The following TAF1C variants were observed in gnomAD, a reference collection of about 807,000 sequenced individuals.
The protein encoded by TAF1C is TATA-box binding protein associated factor, RNA polymerase I subunit C.
TAF1C carries 79 observed loss-of-function variants against 70.5 expected under a neutral mutation model. The ratio of observed to expected loss-of-function variants is 1.12; its 90% CI spans 0.93 to 1.35. The LOEUF is 1.35. Among genes scored for constraint, TAF1C ranks in the 40% most tolerant of loss-of-function variants. The pLI, the probability that TAF1C is intolerant of heterozygous loss-of-function variation, is 0.00. For missense variants in TAF1C, 1,412 were observed against 1,127.8 expected (o/e 1.25, Z -3.61); for synonymous variants, 614 against 491.1 (o/e 1.25, Z -3.31).
At position 84,179,695 on chromosome 16, in the gene TAF1C, G is replaced by C. The variant is rs142910791; in HGVS notation, c.1778C>G (p.Pro593Arg). ...GGAAGCTGTGGGGGCATGGCAGTCAGGTTGGGTGTCGCCAGGAGGCCCAGC... is the reference window on the plus strand; with the variant it reads ...GGAAGCTGTGGGGGCATGGCAGTCACGTTGGGTGTCGCCAGGAGGCCCAGC... Reference protein sequence around the residue: ...RDAGPPGDTQPDCHAPTASWT... With the variant: ...RDAGPPGDTQRDCHAPTASWT... The change falls in exon 15 of 15, where the codon CCT (proline) becomes CGT (arginine). Residue 593 changes from proline to arginine, a missense_variant. By Grantham distance (103) the Pro-to-Arg change is moderately radical. Transcript: ENST00000566732. 79 of 1,612,472 alleles carry C rather than the reference G, an allele frequency of 4.9e-5. No individual in the cohort carries two copies. The highest frequency in any genetic ancestry group is 6.3e-5 in the Non-Finnish European group (74 of 1,179,940).
At chr16:84,186,474 A>C (rs1445515154) in intron 1 of TAF1C, among the ~76,000 whole-genome samples, 1 of 152,208 alleles carries the variant, frequency 6.6e-6, no homozygotes, top group Non-Finnish European at 1.5e-5. Context: ...AATCGCTTGA[A>C]TCTGGGAGGC....
rs557591244 is a variant in TAF1C at position 84,181,018 on chromosome 16, C to T, written c.1308+25G>A. Reference sequence around the variant, plus strand: ...CATCTGAGACAGAGCAGAGGTGGGGCGGGGCGGTGTTGTGTGCCACTCACC... The same window carrying T: ...CATCTGAGACAGAGCAGAGGTGGGGTGGGGCGGTGTTGTGTGCCACTCACC... On this transcript the variant is annotated intron_variant, in intron 12 of 14. Transcript: ENST00000566732. The T allele has an allele frequency of 8.8e-6, 14 of 1,582,832 alleles. No individual in the cohort carries two copies. The African/African-American group carries it at 9.4e-5, about 11-fold the overall frequency.
intron 12 of TAF1C, chr16:84,180,784 C>T (rs543859028): frequency 9.7e-6 from 13 of 1,346,310 alleles, no homozygotes; most frequent in Middle Eastern, 2.8e-4. Context: ...AGCCCCACCC[C>T]GAGGCCCCTC....
chr16:84,178,991 C>A lies in TAF1C; in HGVS notation c.2482G>T (p.Val828Phe). The A allele has an allele frequency of 6.2e-7, 1 of 1,610,714 alleles. No individual in the cohort carries two copies. Among genetic ancestry groups the A allele is most frequent in the Non-Finnish European group, 8.5e-7 (1 of 1,179,928 alleles). Reference sequence around the variant, plus strand: ...CGGAGGGGCTGAGAGCTAGAGAGGACGGGTGTGTGCTGCTGGGAGCGAGTG... The same window carrying A: ...CGGAGGGGCTGAGAGCTAGAGAGGAAGGGTGTGTGCTGCTGGGAGCGAGTG... Reference protein sequence around the residue: ...RATRSQQHTPVLSSSQPLRKK... With the variant: ...RATRSQQHTPFLSSSQPLRKK... Residue 828 changes from valine (V) to phenylalanine (F), a missense_variant, in exon 15 of 15, where the codon GTC (valine) becomes TTC (phenylalanine). Physicochemically the swap from Val to Phe is conservative, Grantham distance 50. Coordinates refer to ENST00000566732, the MANE Select transcript of TAF1C (RefSeq NM_001243156.2).
intron 11 of TAF1C, 52 bp downstream of exon 11, chr16:84,181,276 G>A (rs977095044): frequency 4.2e-5 from 67 of 1,606,388 alleles, no homozygotes; most frequent in Non-Finnish European, 5.0e-5. Context: ...GGGACTCACC[G>A]CTCTGCGGCC....
Position 84,181,445 on chromosome 16 carries a change from C to T in TAF1C, c.1047G>A (p.Arg349=). Residue 349 remains arginine, a synonymous_variant, in exon 11 of 15, where the codon AGG becomes AGA. Transcript: ENST00000566732. ...SPEDGLRQIY[R]DPETLVFRDS... The stretch of plus-strand genomic sequence containing the variant: ...CCCGGAACACGAGGGTCTCAGGGTC[C>T]CTGTAGATTTGCCGCAGCCTTGGGG... 6.2e-7 allele frequency: 1 copy of T among 1,613,790 alleles called. No homozygotes were observed. Among genetic ancestry groups the T allele is most frequent in the Non-Finnish European group, 8.5e-7 (1 of 1,179,992 alleles).
Position 84,181,385 on chromosome 16 carries a change from C to T in TAF1C, c.1107G>A (p.Ala369=), listed in dbSNP as rs747223407. 12 of 1,613,696 alleles carry T rather than the reference C, an allele frequency of 7.4e-6. No individual in the cohort carries two copies. The Admixed American group carries it at 1.2e-4, about 16-fold the overall frequency. ...SSSWRWADFT[A]HPRVLTVGDR... is the part of the protein sequence containing the mutation. Reference sequence around the variant, plus strand: ...CACCCACGGTCAGCACCCGAGGGTGCGCAGTGAAGTCTGCCCAACGCCACG... The same window carrying T: ...CACCCACGGTCAGCACCCGAGGGTGTGCAGTGAAGTCTGCCCAACGCCACG... Residue 369 remains alanine (A), a synonymous_variant, in exon 11 of 15, where the codon GCG becomes GCA. Transcript: ENST00000566732.
rs760297356 is a variant in TAF1C at position 84,178,816 on chromosome 16, TC to T, written c.*124del. The stretch of plus-strand genomic sequence containing the variant: ...ACTTGGCTCCAAATTGCTTGGCTCA[TC>T]ATCACAGTGGCCTCCAGAAGGTGGC... On this transcript the variant is annotated 3_prime_UTR_variant, in exon 15 of 15. Transcript: ENST00000566732. 1 of 1,088,548 alleles carries T rather than the reference TC, an allele frequency of 9.2e-7. No individual in the cohort carries two copies. The highest frequency in any genetic ancestry group is 1.3e-6 in the Non-Finnish European group (1 of 773,482). 67.4% of individuals were successfully genotyped at this position (1,088,548 alleles called of 1,614,324 possible). A position where few individuals can be genotyped will look rare whatever the true frequency, so the allele number is the denominator to read the frequency against.
chr16:84,178,278 A>G lies in TAF1C; in HGVS notation c.*663T>C. On this transcript the variant is annotated 3_prime_UTR_variant, in exon 15 of 15. Transcript: ENST00000566732. ...CCCACAGGTGCCAGACCCATGTCCCAAGGGAGAAGGAACATCAGCCATCAT... is the reference window on the plus strand; with the variant it reads ...CCCACAGGTGCCAGACCCATGTCCCGAGGGAGAAGGAACATCAGCCATCAT... 2.2e-6 allele frequency: 1 copy of G among 454,370 alleles called. No homozygotes were observed. Among genetic ancestry groups the G allele is most frequent in the Non-Finnish European group, 4.4e-6 (1 of 225,554 alleles). The allele number at this position is 454,370 out of a possible 1,614,324, so 28.1% of individuals were successfully genotyped here.
chr16:84,183,702 A>G lies in TAF1C; in HGVS notation c.215T>C (p.Leu72Pro), dbSNP rs754539325. The change falls in exon 3 of 15, where the codon CTC becomes CCC. Residue 72 changes from leucine to proline, a missense_variant. Physicochemically the swap from Leu to Pro is moderately conservative, Grantham distance 98. Transcript: ENST00000566732. Reference protein sequence around the residue: ...TPGPLPMLPPLIDPWDPGLTA... With the variant: ...TPGPLPMLPPPIDPWDPGLTA... ...CGGGGGAATGAGACCCTTACCGATGAGGGGAGGCAGCATGGGGAGAGGCCC... is the reference window on the plus strand; with the variant it reads ...CGGGGGAATGAGACCCTTACCGATGGGGGGAGGCAGCATGGGGAGAGGCCC... The G allele has an allele frequency of 2.5e-6, 4 of 1,611,426 alleles. No individual in the cohort carries two copies. Among genetic ancestry groups the G allele is most frequent in the Non-Finnish European group, 3.4e-6 (4 of 1,178,404 alleles).
intron 2 of TAF1C, among the ~76,000 whole-genome samples, chr16:84,184,151 C>T (rs917842660): frequency 6.6e-6 from 1 of 152,320 alleles, no homozygotes; most frequent in African/African-American, 2.4e-5. Flanking sequence ...GCCCGGCAGG[C>T]GGCTCCACCT....
chr16:84,186,108 A>C (rs546813038), intron 1 of TAF1C, among the ~76,000 whole-genome samples: 8 of 152,368 alleles, frequency 5.3e-5, no homozygotes, highest in African/African-American at 1.9e-4. Context: ...AGAGTTCAGG[A>C]AACGAAGGCT....
intron 11 of TAF1C, 39 bp from the exon 12 acceptor site, chr16:84,181,225 C>G (rs769778389): frequency 1.9e-6 from 3 of 1,594,718 alleles, no homozygotes; most frequent in Admixed American, 3.4e-5. Flanking sequence ...CCCACAGTCC[C>G]AGGCCGGTGA....
Position 84,177,905 on chromosome 16 carries a change from C to T in TAF1C, c.*1036G>A. 7.5e-7 allele frequency: 1 copy of T among 1,337,162 alleles called. No individual in the cohort carries two copies. Among genetic ancestry groups the T allele is most frequent in the Non-Finnish European group, 1.1e-6 (1 of 929,520 alleles). The allele number at this position is 1,337,162 out of a possible 1,614,324, so 82.8% of individuals were successfully genotyped here. A position where few individuals can be genotyped will look rare whatever the true frequency, so the allele number is the denominator to read the frequency against. ...AAATGTCTCCCTTAGGCATGATAAACATTTTAACACCCACGCGAGTCAGTG... is the reference window on the plus strand; with the variant it reads ...AAATGTCTCCCTTAGGCATGATAAATATTTTAACACCCACGCGAGTCAGTG... On this transcript the variant is annotated 3_prime_UTR_variant, in exon 15 of 15. Coordinates refer to ENST00000566732, the MANE Select transcript of TAF1C (RefSeq NM_001243156.2).
chr16:84,183,378 T>C (rs1440232426), intron 4 of TAF1C, 32 bp downstream of exon 4: 1 of 1,613,672 alleles, frequency 6.2e-7, no homozygotes, highest in Admixed American at 1.7e-5. Context: ...GTCTCCAGGC[T>C]ACGCAGCACT....
chr16:84,181,740 C>T lies in TAF1C; in HGVS notation c.956+6G>A. On this transcript the variant is annotated splice_donor_region_variant and intron_variant, in intron 9 of 14. Transcript: ENST00000566732. ...CCTCCTCACCGACCAACCTGACCCC[C>T]CTCACCTGAGGCTGATCCCCGTGGC... is the stretch of plus-strand genomic sequence containing the variant. 1.2e-6 allele frequency: 2 copies of T among 1,613,982 alleles called. No individual in the cohort carries two copies. The highest frequency in any genetic ancestry group is 1.7e-5 in the Admixed American group (1 of 60,012).
At chr16:84,180,798 C>A (rs923959075) in intron 12 of TAF1C, 5 of 1,360,152 alleles carry the variant, frequency 3.7e-6, no homozygotes, top group Non-Finnish European at 3.8e-6. Flanking sequence ...GCCCCTCCTC[C>A]CCTGCTCCAC....
Position 84,180,336 on chromosome 16 carries a change from G to T in TAF1C, c.1317C>A (p.Leu439=). 1 of 1,542,474 alleles carries T rather than the reference G, an allele frequency of 6.5e-7. No homozygotes were observed. Among genetic ancestry groups the T allele is most frequent in the Non-Finnish European group, 8.7e-7 (1 of 1,146,326 alleles). Residue 439 remains leucine, a synonymous_variant, in exon 13 of 15, where the codon CTC becomes CTA. Transcript: ENST00000566732. ...TLHLVCTQFS[L]YLVDERLPLV... is the part of the protein sequence containing the mutation. ...GGGGAAGGCGCTCGTCCACTAGGTAGAGAGAGAACTGGGGCCCGAGAAGGA... is the reference window on the plus strand; with the variant it reads ...GGGGAAGGCGCTCGTCCACTAGGTATAGAGAGAACTGGGGCCCGAGAAGGA...
At chr16:84,180,434 G>A (rs1168732651) in intron 12 of TAF1C, 90 bp from the exon 13 acceptor site, 4 of 1,331,788 alleles carry the variant, frequency 3.0e-6, no homozygotes, top group African/African-American at 1.5e-5. Context: ...CTCCAGGTGA[G>A]TGCAGAGCCC....
Sources: allele counts gnomAD v4.1 joint callset (sites outside exome capture counted in the v4.1 genomes callset), GRCh38; gene constraint gnomAD v4.1.1; transcripts MANE v1.5; gene names NCBI Gene and HGNC (gene_info 2026-07-23, HGNC 2026-07-21).